ZNF724: variants seen among roughly 807,000 people sequenced by gnomAD.
ZNF724 encodes the protein zinc finger protein 724 pseudogene.
A neutral mutation model predicts 29.3 loss-of-function variants in ZNF724; 14 were observed. That is an observed-to-expected ratio of 0.48 (90% CI 0.32 to 0.75). ZNF724 has a LOEUF of 0.75. Among genes scored for constraint, ZNF724 ranks in the 30% least tolerant of loss-of-function variants. The probability of loss-of-function intolerance (pLI) is 0.04; values close to 1 mark genes in which losing one functional copy is unlikely to be tolerated. For missense variants in ZNF724, 557 were observed against 571.2 expected, an observed-to-expected ratio of 0.98 and a Z score of 0.25; for synonymous variants, 180 against 193.6, an observed-to-expected ratio of 0.93 and a Z score of 0.58.
At chr19:23,241,053 CAA>C (rs1162705287) in intron 1 of ZNF724, among the ~76,000 whole-genome samples, 1 of 148,802 alleles carries the variant, frequency 6.7e-6, no homozygotes. Context: ...ACAACAACAA[CAA>C]AAAAAAAAGA....
At position 23,231,310 on chromosome 19, in the gene ZNF724, T is replaced by C; in HGVS notation, c.182A>G (p.Glu61Gly). 1 of 1,394,186 alleles carries C rather than the reference T, an allele frequency of 7.2e-7. No homozygotes were observed. Among genetic ancestry groups the C allele is most frequent in the Non-Finnish European group, 1.0e-6 (1 of 981,956 alleles). 86.4% of individuals were successfully genotyped at this position (1,394,186 alleles called of 1,614,324 possible). The change falls in exon 3 of 4, where the codon GAG becomes GGG. Residue 61 changes from glutamate (E) to glycine (G), a missense_variant. This residue lies in a region of ZNF724 where 362 missense variants were observed against 295.5 expected (regional missense o/e 1.22). Transcript: ENST00000418100. ...CTCATGTCTCTCCATATTCCAGGGC[T>C]CTTTGCCTTGCTCCAGACAGGTGAT... ...DLITCLEQGK[E>G]PWNMERHEMV...
chr19:23,246,486 C>T (rs978093214), intron 1 of ZNF724, among the ~76,000 whole-genome samples: 2 of 151,784 alleles, frequency 1.3e-5, no homozygotes, highest in African/African-American at 4.8e-5. Flanking sequence ...GAAACACTGT[C>T]TCTACTAAAA....
intron 1 of ZNF724, among the ~76,000 whole-genome samples, chr19:23,236,055 T>A (rs1377351796): frequency 6.6e-6 from 1 of 152,196 alleles, no homozygotes; most frequent in Non-Finnish European, 1.5e-5. Context: ...TAATTGGTTA[T>A]AATCAATGAC....
Position 23,223,907 on chromosome 19 carries a change from A to T in ZNF724, c.338T>A (p.Leu113Ter). The T allele has an allele frequency of 1.3e-6, 1 of 773,258 alleles. No homozygotes were observed. Among genetic ancestry groups the T allele is most frequent in the Non-Finnish European group, 2.4e-6 (1 of 415,580 alleles). The allele number at this position is 773,258 out of a possible 1,614,324, so 47.9% of individuals were successfully genotyped here. A position where few individuals can be genotyped will look rare whatever the true frequency, so the allele number is the denominator to read the frequency against. Residue 113 changes from leucine (L) to a stop codon, truncating the protein, a stop_gained, in exon 4 of 4, where the codon TTA (leucine) becomes TAA (stop). Transcript: ENST00000418100. LOFTEE classifies it low-confidence loss of function (END_TRUNC). ...ATCCACACTTTTATAGCCTTTTTTT[A>T]ACTGTAAATTGTGATGTCCACATTT... ...YEKCGHHNLQ[L>*]KKGYKSVDEY...
At chr19:23,243,700 A>T (rs1972180638) in intron 1 of ZNF724, among the ~76,000 whole-genome samples, 1 of 150,908 alleles carries the variant, frequency 6.6e-6, no homozygotes, top group South Asian at 2.1e-4. Flanking sequence ...AGTTGGGCAG[A>T]TCACCTGAGG....
intron 1 of ZNF724, among the ~76,000 whole-genome samples, chr19:23,241,329 A>G (rs1220850994): frequency 2.0e-5 from 3 of 152,220 alleles, no homozygotes; most frequent in Non-Finnish European, 4.4e-5. Context: ...TAAAAAGAAA[A>G]GCTGATATAA....
At chr19:23,248,017 A>C (rs934422020) in intron 1 of ZNF724, among the ~76,000 whole-genome samples, 1 of 152,170 alleles carries the variant, frequency 6.6e-6, no homozygotes. Context: ...GACCAGGAAA[A>C]AACTAAAGGG....
At chr19:23,226,333 G>A (rs998040718) in intron 3 of ZNF724, among the ~76,000 whole-genome samples, 5 of 152,086 alleles carry the variant, frequency 3.3e-5, no homozygotes, top group Non-Finnish European at 5.9e-5. Context: ...TTACAGGCGT[G>A]AGCCACCACG....
At chr19:23,228,454 C>CA (rs35156216) in intron 3 of ZNF724, among the ~76,000 whole-genome samples, 2,853 of 99,996 alleles carry the variant, frequency 0.029, 108 homozygotes, top group Admixed American at 0.12. Flanking sequence ...GACTTCGTCT[C>CA]AAAAAAAAAA....
rs1971726552 is a variant in ZNF724, at chr19:23,222,118, A to C, written c.*267T>G. 1 of 384,412 alleles carries C rather than the reference A, an allele frequency of 2.6e-6. No homozygotes were observed. Among genetic ancestry groups the C allele is most frequent in the African/African-American group, 2.0e-5 (1 of 49,246 alleles). 23.8% of individuals were successfully genotyped at this position (384,412 alleles called of 1,614,324 possible). On this transcript the variant is annotated 3_prime_UTR_variant, in exon 4 of 4. Transcript: ENST00000418100. ...TCCAATAAAGTGTCAGCATTGGTTA[A>C]AAGTTTTGCCACATTCTTCACACTT...
intron 1 of ZNF724, among the ~76,000 whole-genome samples, chr19:23,245,581 C>G (rs1037901703): frequency 6.6e-6 from 1 of 151,898 alleles, no homozygotes; most frequent in African/African-American, 2.4e-5. Flanking sequence ...CCACTGCACT[C>G]CAGACCTGGG....
intron 1 of ZNF724, among the ~76,000 whole-genome samples, chr19:23,243,487 A>AT (rs1324450861): frequency 3.8e-4 from 57 of 150,286 alleles, no homozygotes; most frequent in African/African-American, 1.3e-3. Context: ...AAAAAAAAAA[A>AT]AAAAAAAAAA....
In ZNF724 at chr19:23,222,468, T is replaced by A. The variant is rs758059045; in HGVS notation, c.1777A>T (p.Lys593Ter). 2 of 1,284,096 alleles carry A rather than the reference T, an allele frequency of 1.6e-6. No individual in the cohort carries two copies. Among genetic ancestry groups the A allele is most frequent in the Non-Finnish European group, 2.3e-6 (2 of 880,632 alleles). The allele number at this position is 1,284,096 out of a possible 1,614,324, so 79.5% of individuals were successfully genotyped here. A position where few individuals can be genotyped will look rare whatever the true frequency, so the allele number is the denominator to read the frequency against. ...IHTGEKPYKCKECGKAFNQCS... is the reference protein window; with the variant it reads ...IHTGEKPYKC ...TGGTTAAAAGCTTTGCCACATTCTT[T>A]ACATTTGTAGGGTTTCTCTCCAGTA... The change falls in exon 4 of 4, where the codon AAA becomes TAA. Residue 593 changes from lysine (K) to a stop codon, truncating the protein, a stop_gained. Transcript: ENST00000418100. LOFTEE classifies it high-confidence loss of function.
chr19:23,240,441 TAAAC>T (rs1200332916), intron 1 of ZNF724, among the ~76,000 whole-genome samples: 1 of 151,996 alleles, frequency 6.6e-6, no homozygotes, highest in Non-Finnish European at 1.5e-5. Context: ...GAGACAGTTT[TAAAC>T]AAAATTATTG....
intron 1 of ZNF724, among the ~76,000 whole-genome samples, chr19:23,238,886 G>A (rs1280244422): frequency 6.6e-5 from 10 of 152,258 alleles, no homozygotes; most frequent in Admixed American, 2.0e-4. Flanking sequence ...CAGCCTGGGC[G>A]TCAGAGTGAG....
At chr19:23,237,555 A>C (rs1254030635) in intron 1 of ZNF724, among the ~76,000 whole-genome samples, 3 of 152,098 alleles carry the variant, frequency 2.0e-5, no homozygotes, top group Non-Finnish European at 4.4e-5. Flanking sequence ...AAAATGACTA[A>C]GACATTCATC....
At chr19:23,233,699 A>G (rs559019877) in intron 1 of ZNF724, among the ~76,000 whole-genome samples, 7 of 151,894 alleles carry the variant, frequency 4.6e-5, no homozygotes, top group Non-Finnish European at 7.4e-5. Flanking sequence ...ATTAGGGAGA[A>G]AAAAACACAA....
At position 23,238,297 on chromosome 19, in the gene ZNF724, A is replaced by G. The variant is rs536743805; in HGVS notation, c.4-6004T>C. ...GGAGAATGGCGTGAACCCGGGAGGC[A>G]GAGCTTGCAATGAGCCCAGATCACG... On this transcript the variant is annotated intron_variant, in intron 1 of 3. Coordinates refer to ENST00000418100, the MANE Select transcript of ZNF724 (RefSeq NM_001355404.2). Among the ~76,000 whole-genome samples, 502 of 152,184 alleles carry G rather than the reference A, an allele frequency of 3.3e-3. 4 individuals carry two copies. Among genetic ancestry groups the G allele is most frequent in the African/African-American group, 0.012 (484 of 41,540 alleles).
intron 1 of ZNF724, among the ~76,000 whole-genome samples, chr19:23,238,152 T>C (rs1241594180): frequency 6.6e-6 from 1 of 151,632 alleles, no homozygotes; most frequent in Non-Finnish European, 1.5e-5. Context: ...GATCACGAGG[T>C]CAGGAGATGG....
Sources: gnomAD v4.1 joint callset for allele counts (sites outside exome capture counted in the v4.1 genomes callset) on GRCh38, gnomAD v4.1.1 for gene constraint, gnomAD v4.1.1 regional missense constraint, MANE v1.5 for transcripts, NCBI Gene and HGNC (gene_info 2026-07-23, HGNC 2026-07-21) for gene names.